MID1: variants seen among roughly 807,000 people sequenced by gnomAD.
The protein encoded by MID1 is E3 ubiquitin-protein ligase Midline-1.
MID1 carries 7 observed loss-of-function variants against 40.4 expected under a neutral mutation model. That is an observed-to-expected ratio of 0.17 (90% CI 0.10 to 0.33). The LOEUF (loss-of-function observed/expected upper bound fraction) is 0.33, where lower values mean the gene tolerates loss of function less well. MID1 is among the 10% of genes least tolerant of loss of function. The pLI is 1.00. For synonymous variants in MID1, 229 were observed against 221.2 expected (o/e 1.04, Z -0.31); for missense variants, 367 against 558.5 (o/e 0.66, Z 3.46).
intron 1 of MID1, among the ~76,000 whole-genome samples, chrX:10,817,395 G>A (rs2044142383): frequency 9.0e-6 from 1 of 111,370 alleles, no homozygotes; most frequent in African/African-American, 3.3e-5. Context: ...AGCAAAATTA[G>A]ATATGTTTAT....
intron 1 of MID1, among the ~76,000 whole-genome samples, chrX:10,592,399 G>C (rs1189424513): frequency 9.9e-6 from 1 of 101,196 alleles, no homozygotes; most frequent in Non-Finnish European, 2.0e-5. Context: ...CGTATAAATT[G>C]TTTTTACCAC....
intron 1 of MID1, among the ~76,000 whole-genome samples, chrX:10,589,132 A>G (rs1239087850): frequency 8.9e-6 from 1 of 112,035 alleles, no homozygotes; most frequent in Non-Finnish European, 1.9e-5. Context: ...AACCAGAATC[A>G]AAACCAAAAT....
chrX:10,730,462 A>G (rs956165053), intron 1 of MID1, among the ~76,000 whole-genome samples: 6 of 110,666 alleles, frequency 5.4e-5, no homozygotes, highest in African/African-American at 2.0e-4. Context: ...AGTTTTGGAT[A>G]TATTGTGTAG....
intron 1 of MID1, among the ~76,000 whole-genome samples, chrX:10,814,017 A>C (rs1013939660): frequency 8.9e-6 from 1 of 112,143 alleles, no homozygotes; most frequent in African/African-American, 3.2e-5. Flanking sequence ...GCTGTGTTCC[A>C]ATAAACCTTT....
chrX:10,811,840 A>AT lies in MID1; in HGVS notation c.-187+21713dup, dbSNP rs1241717699. Reference sequence around the variant, plus strand: ...GAAGAAAATGTAGGCAATTTAATACATTTTTTCATAAAGCTAAATTAATTT... The same window carrying AT: ...GAAGAAAATGTAGGCAATTTAATACATTTTTTTCATAAAGCTAAATTAATTT... On this transcript the variant is annotated intron_variant, in intron 1 of 10. Transcript: ENST00000380785. Among the ~76,000 whole-genome samples, 6 of 111,738 alleles carry AT rather than the reference A, an allele frequency of 5.4e-5. No homozygotes were observed. The East Asian group carries it at 8.4e-4, about 16-fold the overall frequency.
At position 10,558,665 on chromosome X, in the gene MID1, C is replaced by T. The variant is rs745519569; in HGVS notation, c.660+8223G>A. Among the ~76,000 whole-genome samples the T allele has an allele frequency of 5.3e-5, 6 of 113,095 alleles. No individual in the cohort carries two copies. The South Asian group carries it at 1.8e-3, about 34-fold the overall frequency. ...ATTCTGCCTCCTAGTTTCTAACAGT[C>T]GTTCTGACATGTGTTGCAGGCTTTC... On this transcript the variant is annotated intron_variant, in intron 2 of 9. Transcript: ENST00000317552.
chrX:10,720,036 C>T (rs1190900757), intron 1 of MID1, among the ~76,000 whole-genome samples: 1 of 111,969 alleles, frequency 8.9e-6, no homozygotes, highest in Non-Finnish European at 1.9e-5. Context: ...ACACCTTATA[C>T]TAAAATTAAT....
intron 2 of MID1, among the ~76,000 whole-genome samples, chrX:10,527,316 C>T (rs1457843473): frequency 1.8e-5 from 2 of 111,474 alleles, no homozygotes; most frequent in Non-Finnish European, 3.8e-5. Context: ...GAGACCGGGA[C>T]TACCATCCCA....
At chrX:10,776,538 C>CT (rs1301419652) in intron 1 of MID1, among the ~76,000 whole-genome samples, 1 of 111,866 alleles carries the variant, frequency 8.9e-6, no homozygotes, top group Non-Finnish European at 1.9e-5. Flanking sequence ...CAGTCCTTAA[C>CT]TTTAAGTTTA....
At chrX:10,718,779 A>G (rs2043325123) in intron 1 of MID1, among the ~76,000 whole-genome samples, 1 of 111,948 alleles carries the variant, frequency 8.9e-6, no homozygotes, top group Non-Finnish European at 1.9e-5. Context: ...CCTGATGAAC[A>G]TCGATGCAAA....
intron 7 of MID1, among the ~76,000 whole-genome samples, chrX:10,465,192 T>TAC (rs1929274153): frequency 3.7e-5 from 2 of 54,362 alleles, no homozygotes; most frequent in Non-Finnish European, 6.0e-5. Flanking sequence ...AAATTTTATA[T>TAC]ATATATATAT....
chrX:10,635,684 A>G (rs1936101947), intron 1 of MID1, among the ~76,000 whole-genome samples: 1 of 112,360 alleles, frequency 8.9e-6, no homozygotes, highest in Non-Finnish European at 1.9e-5. Context: ...TCATTTACAC[A>G]TTGATTACTT....
intron 1 of MID1, among the ~76,000 whole-genome samples, chrX:10,652,830 C>G (rs1936330995): frequency 9.0e-6 from 1 of 111,701 alleles, no homozygotes; most frequent in Non-Finnish European, 1.9e-5. Context: ...GATTTGCACT[C>G]TTAGTTTCTT....
At chrX:10,489,284 A>G (rs1930797132) in intron 4 of MID1, among the ~76,000 whole-genome samples, 1 of 112,267 alleles carries the variant, frequency 8.9e-6, no homozygotes, top group African/African-American at 3.2e-5. Context: ...TGCTTTTGTC[A>G]TCTGTATGTA....
At chrX:10,619,943 G>T (rs1324355342) in intron 1 of MID1, among the ~76,000 whole-genome samples, 1 of 111,198 alleles carries the variant, frequency 9.0e-6, no homozygotes, top group African/African-American at 3.3e-5. Flanking sequence ...ATAGGGTAGA[G>T]GCACTAAAAG....
intron 2 of MID1, among the ~76,000 whole-genome samples, chrX:10,530,066 A>G (rs1932921272): frequency 8.9e-6 from 1 of 112,114 alleles, no homozygotes; most frequent in African/African-American, 3.2e-5. Flanking sequence ...GAGAGTTTAG[A>G]AGAATTTTTG....
upstream of MID1, among the ~76,000 whole-genome samples, chrX:10,623,231 A>G (rs1935956370): frequency 9.5e-6 from 1 of 105,352 alleles, no homozygotes; most frequent in Non-Finnish European, 1.9e-5. Context: ...AGCCTGGGCG[A>G]CAAATAAGAC....
chrX:10,487,415 T>C (rs1318613199), intron 4 of MID1, among the ~76,000 whole-genome samples: 3 of 112,260 alleles, frequency 2.7e-5, no homozygotes, highest in Non-Finnish European at 5.6e-5. Flanking sequence ...AGTTCATTAA[T>C]TTTAATTTCT....
At chrX:10,591,853 T>C (rs1037674797) in intron 1 of MID1, among the ~76,000 whole-genome samples, 3 of 110,695 alleles carry the variant, frequency 2.7e-5, no homozygotes, top group Non-Finnish European at 5.7e-5. Flanking sequence ...CTCTATTTTT[T>C]CCCCCGGGTC....
Sources: allele counts gnomAD v4.1 joint callset (sites outside exome capture counted in the v4.1 genomes callset), GRCh38; gene constraint gnomAD v4.1.1; transcripts MANE v1.5; gene names NCBI Gene and HGNC (gene_info 2026-07-23, HGNC 2026-07-21).